The following NCAM1 variants were observed in gnomAD, a reference collection of about 807,000 sequenced individuals.
The protein encoded by NCAM1 is antigen recognized by monoclonal antibody 5.1H11.
In NCAM1, 14 loss-of-function variants were observed where a neutral mutation model predicts 109.8. The observed-to-expected ratio is 0.13, with a 90% CI of 0.08 to 0.20. NCAM1 has a LOEUF of 0.20. Ranked by LOEUF, NCAM1 falls within the 10% of genes least tolerant of loss-of-function variation. NCAM1 has a pLI of 1.00. For synonymous variants in NCAM1, 418 were observed against 442.9 expected, an observed-to-expected ratio of 0.94 and a Z score of 0.70; for missense variants, 774 against 1,109.9, an observed-to-expected ratio of 0.70 and a Z score of 4.30.
At chr11:113,183,710 G>A (rs570692187) in intron 1 of NCAM1, among the ~76,000 whole-genome samples, 5 of 152,074 alleles carry the variant, frequency 3.3e-5, no homozygotes, top group Admixed American at 6.5e-5. Flanking sequence ...GCTAGAACTC[G>A]CATGTCCAGG....
intron 1 of NCAM1, among the ~76,000 whole-genome samples, chr11:113,104,471 T>C (rs1555092176): frequency 6.6e-6 from 1 of 152,144 alleles, no homozygotes; most frequent in East Asian, 1.9e-4. Context: ...CTTATCTATT[T>C]GTTATTGCTT....
intron 1 of NCAM1, among the ~76,000 whole-genome samples, chr11:112,965,950 C>T (rs370229814): frequency 1.3e-5 from 2 of 152,110 alleles, no homozygotes; most frequent in East Asian, 1.9e-4. Context: ...CGTCAGTCTG[C>T]GGGAAGAATC....
intron 1 of NCAM1, among the ~76,000 whole-genome samples, chr11:113,140,351 T>A (rs1247423819): frequency 1.3e-5 from 2 of 152,138 alleles, no homozygotes; most frequent in African/African-American, 4.8e-5. Context: ...ATGGATGGGC[T>A]CAAATAGGTC....
chr11:113,072,086 A>G (rs1938298040), intron 1 of NCAM1, among the ~76,000 whole-genome samples: 1 of 152,178 alleles, frequency 6.6e-6, no homozygotes, highest in South Asian at 2.1e-4. Flanking sequence ...TGGAGGTTGC[A>G]GTGAGCTGAG....
chr11:113,145,608 T>A (rs377314839), intron 1 of NCAM1, among the ~76,000 whole-genome samples: 1 of 152,350 alleles, frequency 6.6e-6, no homozygotes, highest in East Asian at 1.9e-4. Flanking sequence ...ATCCGTAGTC[T>A]TCTTCATTGC....
At chr11:113,064,483 T>C (rs762847473) in intron 1 of NCAM1, among the ~76,000 whole-genome samples, 119 of 152,244 alleles carry the variant, frequency 7.8e-4, no homozygotes, top group Non-Finnish European at 1.2e-3. Flanking sequence ...AATATACCTT[T>C]TCTTCTTGAA....
chr11:113,261,881 G>C (rs1432100350), intron 17 of NCAM1, among the ~76,000 whole-genome samples: 5 of 152,180 alleles, frequency 3.3e-5, no homozygotes, highest in Admixed American at 2.6e-4. Flanking sequence ...ACTGGCTTCT[G>C]TGGTTTTTGT....
chr11:113,224,022 T>C (rs950686339), intron 9 of NCAM1, among the ~76,000 whole-genome samples: 1 of 152,124 alleles, frequency 6.6e-6, no homozygotes, highest in Non-Finnish European at 1.5e-5. Flanking sequence ...AGAAGACGGA[T>C]GATTTCTGCA....
intron 1 of NCAM1, among the ~76,000 whole-genome samples, chr11:113,174,143 A>G (rs1555106679): frequency 1.3e-5 from 2 of 152,328 alleles, no homozygotes. Context: ...ATGCAAATAT[A>G]AATATATATC....
At chr11:113,049,118 T>A (rs1234916772) in intron 1 of NCAM1, among the ~76,000 whole-genome samples, 3 of 152,166 alleles carry the variant, frequency 2.0e-5, no homozygotes, top group Non-Finnish European at 2.9e-5. Context: ...TACAGGGTTT[T>A]CTTTTGGAGT....
At chr11:113,224,995 G>GA (rs1944799836) in intron 9 of NCAM1, among the ~76,000 whole-genome samples, 1 of 152,174 alleles carries the variant, frequency 6.6e-6, no homozygotes, top group Non-Finnish European at 1.5e-5. Context: ...AAACAGAACA[G>GA]AAAAACTGAA....
chr11:113,105,596 G>T (rs782771204), intron 1 of NCAM1, among the ~76,000 whole-genome samples: 1 of 152,194 alleles, frequency 6.6e-6, no homozygotes, highest in Non-Finnish European at 1.5e-5. Context: ...AAAAAGGAAT[G>T]AAGTACAGAT....
intron 1 of NCAM1, among the ~76,000 whole-genome samples, chr11:113,187,555 G>A (rs544840687): frequency 9.0e-6 from 1 of 111,556 alleles, no homozygotes; most frequent in Non-Finnish European, 1.9e-5. Flanking sequence ...GTGTGTGTGT[G>A]TGTGTTTCTG....
chr11:113,003,745 C>A (rs1951815980), intron 1 of NCAM1: 1 of 152,220 alleles, frequency 6.6e-6, no homozygotes, highest in African/African-American at 2.4e-5. Context: ...GTAATTTTAA[C>A]TGTCTGTTTG....
intron 1 of NCAM1, among the ~76,000 whole-genome samples, chr11:112,969,459 A>G (rs978043149): frequency 2.0e-5 from 3 of 152,098 alleles, no homozygotes; most frequent in African/African-American, 7.2e-5. Context: ...TGGCTTCTGG[A>G]CTGAGTCTGA....
intron 1 of NCAM1, among the ~76,000 whole-genome samples, chr11:113,056,240 G>A (rs1374542094): frequency 2.0e-5 from 3 of 151,474 alleles, no homozygotes; most frequent in African/African-American, 7.3e-5. Context: ...TAGAATGGTA[G>A]AGACTGGGAA....
At position 113,128,936 on chromosome 11, in the gene NCAM1, T is replaced by C. The variant is rs1324385842; in HGVS notation, c.53-73443T>C. 3.4e-5 allele frequency among the ~76,000 whole-genome samples: 5 copies of C among 147,930 alleles called. No homozygotes were observed. The South Asian group carries it at 6.6e-4, about 20-fold the overall frequency. On this transcript the variant is annotated intron_variant, in intron 1 of 19. Coordinates refer to ENST00000316851, the MANE Select transcript of NCAM1 (RefSeq NM_181351.5). ...GTGTGTGTGTGTGTGTGTGTGTGTG[T>C]GTGTGTGTGTGTGCATGCGTGCAGG... is the stretch of plus-strand genomic sequence containing the variant.
rs74444641 is a variant in NCAM1, at chr11:113,211,332, G to A, written c.917-3037G>A. On this transcript the variant is annotated intron_variant, in intron 7 of 19. Transcript: ENST00000316851. ...TAGTAAAGAAAAGCCCAGAAGTCCT[G>A]TGGCCTCAAGAAGGAATGTCCATCA... Among the ~76,000 whole-genome samples the A allele has an allele frequency of 3.4e-3, 514 of 152,322 alleles. 1 individual carries two copies. Among genetic ancestry groups the A allele is most frequent in the Non-Finnish European group, 6.0e-3 (408 of 68,034 alleles).
chr11:113,093,640 A>G (rs1939463500), intron 1 of NCAM1, among the ~76,000 whole-genome samples: 2 of 152,196 alleles, frequency 1.3e-5, no homozygotes, highest in African/African-American at 4.8e-5. Flanking sequence ...TTCTCTAGGT[A>G]GGAACATTAG....
Sources: allele counts gnomAD v4.1 joint callset (sites outside exome capture counted in the v4.1 genomes callset), GRCh38; gene constraint gnomAD v4.1.1; transcripts MANE v1.5; gene names NCBI Gene and HGNC (gene_info 2026-07-23, HGNC 2026-07-21).